ZNF777: variants seen among roughly 807,000 people sequenced by gnomAD.
ZNF777 encodes zinc finger protein 777.
In ZNF777, 7 loss-of-function variants were observed where a neutral mutation model predicts 72.1. The ratio of observed to expected loss-of-function variants is 0.10; its 90% CI spans 0.06 to 0.18. The LOEUF (loss-of-function observed/expected upper bound fraction) is 0.18, where lower values mean the gene tolerates loss of function less well. Ranked by LOEUF, ZNF777 falls within the 10% of genes least tolerant of loss-of-function variation. The pLI is 1.00. For missense variants in ZNF777, 828 were observed against 1,128.6 expected (o/e 0.73, Z 3.82); for synonymous variants, 545 against 483.5 (o/e 1.13, Z -1.67).
chr7:149,455,902 TGGGA>T lies in ZNF777; in HGVS notation c.117_120del (p.Pro40LysfsTer100). 1 of 1,611,796 alleles carries T rather than the reference TGGGA, an allele frequency of 6.2e-7. No individual in the cohort carries two copies. The highest frequency in any genetic ancestry group is 8.5e-7 in the Non-Finnish European group (1 of 1,179,452). On this transcript the variant is annotated frameshift_variant, in exon 2 of 6. Coordinates refer to ENST00000247930, the MANE Select transcript of ZNF777 (RefSeq NM_015694.3). LOFTEE classifies it high-confidence loss of function. The surrounding 1 kb of genome is among the most constrained non-coding windows in gnomAD (Gnocchi z 4.2). ...GTGGGAGACAAAGAAGGAATTTCTT[TGGGA>T]GGAAGAACGCGGGATTGGAACAGAG...
intron 4 of ZNF777, among the ~76,000 whole-genome samples, chr7:149,445,111 G>A (rs1563236685): frequency 6.6e-6 from 1 of 151,044 alleles, no homozygotes; most frequent in Non-Finnish European, 1.5e-5. Context: ...TCTGGGATGT[G>A]TGCTTATCCT....
At position 149,456,026 on chromosome 7, in the gene ZNF777, C is replaced by A; in HGVS notation, c.-4G>T. The A allele has an allele frequency of 6.4e-7, 1 of 1,553,392 alleles. No homozygotes were observed. Among genetic ancestry groups the A allele is most frequent in the South Asian group, 1.2e-5 (1 of 82,186 alleles). ...GTGATGAGCGTTGGTTCTCCATGTC[C>A]AGCTGCTGAACCTGTGTTCATGGAA... On this transcript the variant is annotated 5_prime_UTR_variant, in exon 2 of 6. Coordinates refer to ENST00000247930, the MANE Select transcript of ZNF777 (RefSeq NM_015694.3).
At chr7:149,446,263 C>A (rs1278236437) in intron 4 of ZNF777, among the ~76,000 whole-genome samples, 2 of 152,138 alleles carry the variant, frequency 1.3e-5, no homozygotes, top group African/African-American at 2.4e-5. Flanking sequence ...GAAATCCCAG[C>A]TACTGGGGAG....
At position 149,460,106 on chromosome 7, in the gene ZNF777, G is replaced by C. The variant is rs913430423; in HGVS notation, c.-16+709C>G. The C allele has an allele frequency of 5.1e-6, 5 of 982,026 alleles. No individual in the cohort carries two copies. In the African/African-American group the frequency reaches 7.0e-5, roughly 14 times the overall value. 60.8% of individuals were successfully genotyped at this position (982,026 alleles called of 1,614,324 possible). The stretch of plus-strand genomic sequence containing the variant: ...GCCCCGAGGCCGCGCGTCCGTGCGC[G>C]CGCGGGCCGCCCTCACAGGAGCCGG... On this transcript the variant is annotated intron_variant, in intron 1 of 5. Transcript: ENST00000247930. This position sits in a 1 kb window ranked among gnomAD's most constrained non-coding sequence, Gnocchi z 6.1.
intron 4 of ZNF777, among the ~76,000 whole-genome samples, chr7:149,440,813 A>C (rs1186895764): frequency 6.6e-6 from 1 of 151,710 alleles, no homozygotes; most frequent in Non-Finnish European, 1.5e-5. Flanking sequence ...CCTCAAAGCC[A>C]CCTGTATTAT....
Position 149,460,138 on chromosome 7 carries a change from C to A in ZNF777, c.-16+677G>T, listed in dbSNP as rs906109023. 98 of 979,812 alleles carry A rather than the reference C, an allele frequency of 1.0e-4. No individual in the cohort carries two copies. Among genetic ancestry groups the A allele is most frequent in the Admixed American group, 1.3e-4 (2 of 15,884 alleles). The allele number at this position is 979,812 out of a possible 1,614,324, so 60.7% of individuals were successfully genotyped here. On this transcript the variant is annotated intron_variant, in intron 1 of 5. Coordinates refer to ENST00000247930, the MANE Select transcript of ZNF777 (RefSeq NM_015694.3). The surrounding 1 kb of genome is among the most constrained non-coding windows in gnomAD (Gnocchi z 6.1). ...CCGCCCTCACAGGAGCCGGGGCCGC[C>A]TCGGCCATGGCCCTGCGCTGTCCGG... is the stretch of plus-strand genomic sequence containing the variant.
Position 149,456,815 on chromosome 7 carries a change from T to A in ZNF777, c.-15-778A>T, listed in dbSNP as rs148528201. ...TGAGTCAGTATGGTATATGTATGTTTGACTTGGAAACATCTTCTATGTGCC... is the reference window on the plus strand; with the variant it reads ...TGAGTCAGTATGGTATATGTATGTTAGACTTGGAAACATCTTCTATGTGCC... On this transcript the variant is annotated intron_variant, in intron 1 of 5. Transcript: ENST00000247930. Among the ~76,000 whole-genome samples the A allele has an allele frequency of 3.2e-4, 48 of 152,364 alleles. No individual in the cohort carries two copies. In the East Asian group the frequency reaches 7.9e-3, roughly 25 times the overall value.
Position 149,451,552 on chromosome 7 carries a change from C to T in ZNF777, c.974-440G>A, listed in dbSNP as rs538362238. 3.9e-5 allele frequency among the ~76,000 whole-genome samples: 6 copies of T among 151,928 alleles called. No individual in the cohort carries two copies. In the East Asian group the frequency reaches 7.7e-4, roughly 20 times the overall value. On this transcript the variant is annotated intron_variant, in intron 3 of 5. Transcript: ENST00000247930. Reference sequence around the variant, plus strand: ...CTAAAAATGCAAAAAATTAGCCAGGCGTGGTGGCGGATGCCTGTAATCCCA... The same window carrying T: ...CTAAAAATGCAAAAAATTAGCCAGGTGTGGTGGCGGATGCCTGTAATCCCA...
intron 1 of ZNF777, among the ~76,000 whole-genome samples, chr7:149,457,912 A>G (rs1180189662): frequency 6.6e-6 from 1 of 152,238 alleles, no homozygotes; most frequent in African/African-American, 2.4e-5. Flanking sequence ...AACTTGCCCC[A>G]GGTCACCCAG....
chr7:149,442,102 A>C (rs1343038403), intron 4 of ZNF777, among the ~76,000 whole-genome samples: 1 of 151,376 alleles, frequency 6.6e-6, no homozygotes, highest in Non-Finnish European at 1.5e-5. Flanking sequence ...CTGTGATCCC[A>C]GCTACTCGGG....
Position 149,453,107 on chromosome 7 carries a change from C to T in ZNF777, c.973+1004G>A, listed in dbSNP as rs999540323. The stretch of plus-strand genomic sequence containing the variant: ...TGCAAACCCCAAACTGCATGTGCCT[C>T]AGTGCATGTATCATGCTTATATCTG... On this transcript the variant is annotated intron_variant, in intron 3 of 5. Transcript: ENST00000247930. Among the ~76,000 whole-genome samples the T allele has an allele frequency of 2.6e-5, 4 of 152,246 alleles. No individual in the cohort carries two copies. The East Asian group carries it at 7.7e-4, about 29-fold the overall frequency.
chr7:149,452,081 T>A (rs11771447), intron 3 of ZNF777, among the ~76,000 whole-genome samples: 270 of 142,676 alleles, frequency 1.9e-3, no homozygotes, highest in Non-Finnish European at 3.5e-3. Context: ...CTGGCTAACA[T>A]GGTGAAACCC....
intron 1 of ZNF777, among the ~76,000 whole-genome samples, chr7:149,459,504 C>T (rs1799901051): frequency 6.6e-6 from 1 of 152,068 alleles, no homozygotes; most frequent in Non-Finnish European, 1.5e-5. Context: ...TGCCCGGCCT[C>T]CCCCGCCGCC....
In ZNF777 at chr7:149,455,315, G is replaced by T. The variant is rs1220417586; in HGVS notation, c.708C>A (p.Ser236Arg). The T allele has an allele frequency of 6.2e-7, 1 of 1,614,198 alleles. No individual in the cohort carries two copies. The highest frequency in any genetic ancestry group is 1.7e-5 in the Admixed American group (1 of 60,022). Residue 236 changes from serine to arginine, a missense_variant, in exon 2 of 6, where the codon AGC becomes AGA. By Grantham distance (110) the Ser-to-Arg change is moderately radical. Coordinates refer to ENST00000247930, the MANE Select transcript of ZNF777 (RefSeq NM_015694.3). The surrounding 1 kb of genome is among the most constrained non-coding windows in gnomAD (Gnocchi z 4.2). ...GCAGGGTCCCCAACACGACCCACTT[G>T]CTCTCCAGATGGTTCGCGAACTCCA... Reference protein sequence around the residue: ...TAVEFANHLESKWVVLGTLLQ... With the variant: ...TAVEFANHLERKWVVLGTLLQ...
intron 4 of ZNF777, among the ~76,000 whole-genome samples, chr7:149,442,533 T>C (rs181188773): frequency 1.4e-3 from 210 of 150,380 alleles, no homozygotes; most frequent in African/African-American, 4.4e-3. Context: ...GGCAGGAGAA[T>C]AGCCTGAACC....
intron 4 of ZNF777, among the ~76,000 whole-genome samples, chr7:149,448,485 C>CTATATATATATATATATA (rs61005836): frequency 5.2e-4 from 54 of 104,618 alleles, no homozygotes; most frequent in African/African-American, 2.2e-3. Flanking sequence ...CAAAACAAAA[C>CTATATATATATATATATA]TATATATATA....
intron 1 of ZNF777, among the ~76,000 whole-genome samples, chr7:149,458,993 C>G (rs1282572458): frequency 6.6e-6 from 1 of 152,196 alleles, no homozygotes; most frequent in East Asian, 1.9e-4. Flanking sequence ...ACCACAGTAT[C>G]TGACTTATTA....
At chr7:149,433,015 A>T in intron 5 of ZNF777, 83 bp from the exon 6 acceptor site, 1 of 1,430,368 alleles carries the variant, frequency 7.0e-7, no homozygotes, top group Non-Finnish European at 9.2e-7. Flanking sequence ...GCACTGCTTC[A>T]CCCTCACCAA....
chr7:149,433,931 A>G (rs542718673), intron 5 of ZNF777, among the ~76,000 whole-genome samples: 2 of 152,384 alleles, frequency 1.3e-5, no homozygotes, highest in South Asian at 4.1e-4. Context: ...TTTGTGTGAC[A>G]TAAGAAAGTC....
Sources: gnomAD v4.1 joint callset for allele counts (sites outside exome capture counted in the v4.1 genomes callset) on GRCh38, gnomAD v4.1.1 for gene constraint, Gnocchi (gnomAD v3.1) non-coding constraint, MANE v1.5 for transcripts, NCBI Gene and HGNC (gene_info 2026-07-23, HGNC 2026-07-21) for gene names.